The following FNDC1 variants were observed in gnomAD, a reference collection of about 807,000 sequenced individuals.
The protein encoded by FNDC1 is fibronectin type III domain-containing protein 1.
In FNDC1, 96 loss-of-function variants were observed where a neutral mutation model predicts 168.0. That is an observed-to-expected ratio of 0.57 (90% CI 0.48 to 0.68). The LOEUF is 0.68. FNDC1 is among the 30% of genes least tolerant of loss of function. The pLI, the probability that FNDC1 is intolerant of heterozygous loss-of-function variation, is 0.00. For missense variants in FNDC1, 2,587 were observed against 2,482.1 expected (o/e 1.04, Z -0.90); for synonymous variants, 1,099 against 1,025.9 (o/e 1.07, Z -1.36).
chr6:159,249,196 C>T lies in FNDC1; in HGVS notation c.4834+14C>T. 1.3e-6 allele frequency: 2 copies of T among 1,594,550 alleles called. No homozygotes were observed. The highest frequency in any genetic ancestry group is 2.3e-5 in the South Asian group (2 of 86,828). ...AACGATTTGTTGGTAAATATAATGT[C>T]CTTAATCAGAGAAACATGGGTTTTT... On this transcript the variant is annotated intron_variant, in intron 16 of 22. Transcript: ENST00000297267.
intron 16 of FNDC1, among the ~76,000 whole-genome samples, chr6:159,250,045 C>G (rs949862691): frequency 6.6e-6 from 1 of 152,330 alleles, no homozygotes; most frequent in Admixed American, 6.5e-5. Context: ...TTACCACATG[C>G]GCTGACTTCT....
rs1783318471 is a variant in FNDC1 at position 159,238,417 on chromosome 6, A to G, written c.4069-137A>G. 8 of 601,564 alleles carry G rather than the reference A, an allele frequency of 1.3e-5. No individual in the cohort carries two copies. In the South Asian group the frequency reaches 1.5e-4, roughly 11 times the overall value. The allele number at this position is 601,564 out of a possible 1,614,324, so 37.3% of individuals were successfully genotyped here. Reference sequence around the variant, plus strand: ...TACTTTTTAAGACTTTATGAATGATATTGACAAAAAGAATGTCTTCTACTC... The same window carrying G: ...TACTTTTTAAGACTTTATGAATGATGTTGACAAAAAGAATGTCTTCTACTC... On this transcript the variant is annotated intron_variant, in intron 12 of 22. Transcript: ENST00000297267.
chr6:159,242,793 A>G (rs1410240066), intron 14 of FNDC1, among the ~76,000 whole-genome samples: 1 of 152,188 alleles, frequency 6.6e-6, no homozygotes, highest in African/African-American at 2.4e-5. Flanking sequence ...ATCATGTCAT[A>G]TGTGGCTTTT....
chr6:159,260,513 CCT>C (rs1422853910), intron 18 of FNDC1, among the ~76,000 whole-genome samples: 1 of 152,170 alleles, frequency 6.6e-6, no homozygotes, highest in Non-Finnish European at 1.5e-5. Context: ...GTTTCTCTTT[CCT>C]TGAGGCGCAG....
Position 159,215,076 on chromosome 6 carries a change from T to C in FNDC1, c.592T>C (p.Tyr198His), listed in dbSNP as rs1417286211. 6.2e-7 allele frequency: 1 copy of C among 1,614,034 alleles called. No individual in the cohort carries two copies. The highest frequency in any genetic ancestry group is 1.7e-5 in the Admixed American group (1 of 60,026). ...PRRSRGFLLG[Y>H]GESGRKMNYV... ...CAGATCACGGGGTTTTCTCCTGGGC[T>C]ACGGGGAGAGTGGCCGGAAGATGAA... The change falls in exon 5 of 23, where the codon TAC (tyrosine) becomes CAC (histidine). Residue 198 changes from tyrosine to histidine, a missense_variant. Physicochemically the swap from Tyr to His is moderately conservative, Grantham distance 83 (BLOSUM62 2). Coordinates refer to ENST00000297267, the MANE Select transcript of FNDC1 (RefSeq NM_032532.3).
rs894759098 is a variant in FNDC1, at chr6:159,237,191, G to A, written c.4068+876G>A. On this transcript the variant is annotated intron_variant, in intron 12 of 22. Transcript: ENST00000297267. The stretch of plus-strand genomic sequence containing the variant: ...AAACAATTTTGAATGGAAACAGCAT[G>A]GGGTAGATTTCAAAATAGAGTTTAT... Among the ~76,000 whole-genome samples the A allele has an allele frequency of 5.9e-5, 9 of 152,168 alleles. 1 individual carries two copies. Among genetic ancestry groups the A allele is most frequent in the African/African-American group, 1.9e-4 (8 of 41,418 alleles).
intron 20 of FNDC1, among the ~76,000 whole-genome samples, 156 bp downstream of exon 20, chr6:159,265,160 T>C (rs1295967484): frequency 6.6e-6 from 1 of 152,208 alleles, no homozygotes; most frequent in Non-Finnish European, 1.5e-5. Context: ...CCTGATCTTC[T>C]TTACTCTGTG....
rs138543372 is a variant in FNDC1 at position 159,258,773 on chromosome 6, T to G, written c.5174+2142T>G. 2.6e-3 allele frequency among the ~76,000 whole-genome samples: 401 copies of G among 152,266 alleles called. 5 individuals are homozygous for G. Among genetic ancestry groups the G allele is most frequent in the African/African-American group, 9.2e-3 (382 of 41,548 alleles). ...AATTTTAGAGCTAAGAAAGTACAAG[T>G]GTGATGTAAGGACACTCATTTTCCC... On this transcript the variant is annotated intron_variant, in intron 18 of 22. Coordinates refer to ENST00000297267, the MANE Select transcript of FNDC1 (RefSeq NM_032532.3).
chr6:159,215,199 T>A (rs774404215), intron 5 of FNDC1, 48 bp downstream of exon 5: 2 of 1,532,328 alleles, frequency 1.3e-6, no homozygotes, highest in South Asian at 2.2e-5. Context: ...GTCTTTGGGA[T>A]CATTTCAATA....
chr6:159,229,666 T>G, intron 9 of FNDC1, 149 bp from the exon 10 acceptor site: 1 of 631,776 alleles, frequency 1.6e-6, no homozygotes, highest in Non-Finnish European at 2.6e-6. Flanking sequence ...CTGCTGTGTC[T>G]TCATGCTCCA....
intron 1 of FNDC1, among the ~76,000 whole-genome samples, chr6:159,177,069 G>T (rs1781776143): frequency 6.6e-6 from 1 of 152,162 alleles, no homozygotes; most frequent in Non-Finnish European, 1.5e-5. Context: ...TTATAGTGCG[G>T]GTCTTGAACA....
At chr6:159,194,691 C>T (rs988753156) in intron 1 of FNDC1, among the ~76,000 whole-genome samples, 2 of 152,190 alleles carry the variant, frequency 1.3e-5, no homozygotes, top group Non-Finnish European at 2.9e-5. Flanking sequence ...TGTCATACTT[C>T]TAACCCCAAG....
chr6:159,249,366 G>C (rs1213163569), intron 16 of FNDC1, among the ~76,000 whole-genome samples, 184 bp downstream of exon 16: 3 of 152,194 alleles, frequency 2.0e-5, no homozygotes, highest in African/African-American at 7.2e-5. Flanking sequence ...TTTGCTTTCT[G>C]CCAAAATCAG....
At chr6:159,222,339 G>A (rs1782845464) in intron 6 of FNDC1, among the ~76,000 whole-genome samples, 1 of 152,106 alleles carries the variant, frequency 6.6e-6, no homozygotes. Context: ...TTTTTACATT[G>A]TATGAAGTTC....
Position 159,262,774 on chromosome 6 carries a change from T to G in FNDC1, c.5254+1505T>G, listed in dbSNP as rs548463758. Among the ~76,000 whole-genome samples the G allele has an allele frequency of 1.4e-4, 22 of 152,294 alleles. 1 individual carries two copies. The South Asian group carries it at 4.4e-3, about 30-fold the overall frequency. Reference sequence around the variant, plus strand: ...CTCATTCTTTATGGCCTCCAAGGGATGGGTGAGGAAAATTCAAGGCCCCAC... The same window carrying G: ...CTCATTCTTTATGGCCTCCAAGGGAGGGGTGAGGAAAATTCAAGGCCCCAC... On this transcript the variant is annotated intron_variant, in intron 19 of 22. Coordinates refer to ENST00000297267, the MANE Select transcript of FNDC1 (RefSeq NM_032532.3).
intron 1 of FNDC1, among the ~76,000 whole-genome samples, chr6:159,193,177 A>C (rs1200447482): frequency 6.6e-6 from 1 of 152,126 alleles, no homozygotes; most frequent in Admixed American, 6.5e-5. Context: ...ATCACCAATT[A>C]ATACACAATT....
chr6:159,210,243 A>G (rs1178768935), intron 4 of FNDC1, among the ~76,000 whole-genome samples: 2 of 152,124 alleles, frequency 1.3e-5, no homozygotes, highest in African/African-American at 2.4e-5. Flanking sequence ...GGTGACACCA[A>G]CTCTGCAACC....
chr6:159,236,362 G>A, intron 12 of FNDC1, 47 bp downstream of exon 12: 1 of 1,329,606 alleles, frequency 7.5e-7, no homozygotes, highest in Non-Finnish European at 1.1e-6. Flanking sequence ...ATGCTGTTGA[G>A]AAGAGAAAAA....
intron 1 of FNDC1, among the ~76,000 whole-genome samples, chr6:159,191,228 A>G (rs115433029): frequency 6.6e-6 from 1 of 152,226 alleles, no homozygotes; most frequent in Non-Finnish European, 1.5e-5. Flanking sequence ...TCACAATTCA[A>G]CATGAGATTT....
Sources: gnomAD v4.1 joint callset for allele counts (sites outside exome capture counted in the v4.1 genomes callset) on GRCh38, gnomAD v4.1.1 for gene constraint, MANE v1.5 for transcripts, NCBI Gene and HGNC (gene_info 2026-07-23, HGNC 2026-07-21) for gene names.